Variants in VIPR1 observed in about 807,000 individuals in gnomAD.
The protein encoded by VIPR1 is vasoactive intestinal polypeptide receptor 1.
A neutral mutation model predicts 58.8 loss-of-function variants in VIPR1; 59 were observed. The ratio of observed to expected loss-of-function variants is 1.00; its 90% CI spans 0.81 to 1.25. The LOEUF is 1.25. Ranked by LOEUF, VIPR1 falls within the 50% of genes most tolerant of loss-of-function variation. The pLI is 0.00. For synonymous variants in VIPR1, 251 were observed against 242.1 expected (o/e 1.04, Z -0.34); for missense variants, 626 against 602.7 (o/e 1.04, Z -0.40).
chr3:42,523,083 G>A (rs924833101), intron 3 of VIPR1, among the ~76,000 whole-genome samples: 5 of 125,160 alleles, frequency 4.0e-5, no homozygotes, highest in South Asian at 2.4e-4. Context: ...TGCATGCCCT[G>A]ACCCCGCCCC....
intron 3 of VIPR1, among the ~76,000 whole-genome samples, chr3:42,522,842 T>C (rs75297626): frequency 6.6e-6 from 1 of 152,030 alleles, no homozygotes; most frequent in Non-Finnish European, 1.5e-5. Context: ...AGGCACTGAG[T>C]GGAGGATCCT....
chr3:42,514,953 A>G (rs771733746), intron 2 of VIPR1, among the ~76,000 whole-genome samples: 2 of 152,210 alleles, frequency 1.3e-5, no homozygotes, highest in African/African-American at 2.4e-5. Flanking sequence ...GGTGGGAGGC[A>G]CTGAGGCAGA....
chr3:42,523,084 ACC>A (rs145372341), intron 3 of VIPR1, among the ~76,000 whole-genome samples: 5 of 145,092 alleles, frequency 3.4e-5, no homozygotes, highest in Non-Finnish European at 6.0e-5. Flanking sequence ...GCATGCCCTG[ACC>A]CCGCCCCCAG....
chr3:42,494,153 C>T (rs546206742), intron 1 of VIPR1, among the ~76,000 whole-genome samples: 18 of 152,280 alleles, frequency 1.2e-4, no homozygotes, highest in South Asian at 2.1e-4. Context: ...ACTTTATTGA[C>T]GCTGCTGTTT....
chr3:42,498,663 C>T (rs1699811156), upstream of VIPR1, among the ~76,000 whole-genome samples: 1 of 152,172 alleles, frequency 6.6e-6, no homozygotes, highest in African/African-American at 2.4e-5. Context: ...ATCACCTGCT[C>T]TCCCGTGAAC....
chr3:42,496,162 G>A lies in VIPR1; in HGVS notation c.-245+6484G>A, dbSNP rs144456742. ...TGAAGCAGGAGAATGGCTTGAACCC[G>A]GGAGGCGGAGGTTGCAGTGAGCCAA... On this transcript the variant is annotated intron_variant, in intron 1 of 13. Transcript: ENST00000433647. 2.4e-4 allele frequency among the ~76,000 whole-genome samples: 37 copies of A among 152,128 alleles called. No individual in the cohort carries two copies. In the East Asian group the frequency reaches 4.9e-3, roughly 20 times the overall value.
chr3:42,513,913 T>C lies in VIPR1; in HGVS notation c.184+59T>C, dbSNP rs1283894652. Reference sequence around the variant, plus strand: ...CCCCCAGGGAGCCCAAGATTCCTCATGTCTCAAGCTGAGATCCAAGTCACG... The same window carrying C: ...CCCCCAGGGAGCCCAAGATTCCTCACGTCTCAAGCTGAGATCCAAGTCACG... On this transcript the variant is annotated intron_variant, in intron 2 of 12. Transcript: ENST00000325123. 7 of 1,510,080 alleles carry C rather than the reference T, an allele frequency of 4.6e-6. 1 individual carries two copies. Among genetic ancestry groups the C allele is most frequent in the African/African-American group, 4.2e-5 (3 of 72,176 alleles). The allele number at this position is 1,510,080 out of a possible 1,614,324, so 93.5% of individuals were successfully genotyped here. A position where few individuals can be genotyped will look rare whatever the true frequency, so the allele number is the denominator to read the frequency against.
chr3:42,505,623 A>G (rs1481683970), intron 1 of VIPR1, among the ~76,000 whole-genome samples: 1 of 152,236 alleles, frequency 6.6e-6, no homozygotes, highest in Non-Finnish European at 1.5e-5. Flanking sequence ...ACCATGCTGG[A>G]AAAGCGAGCC....
intron 1 of VIPR1, among the ~76,000 whole-genome samples, chr3:42,491,353 A>G (rs1316740199): frequency 6.6e-6 from 1 of 152,242 alleles, no homozygotes; most frequent in South Asian, 2.1e-4. Flanking sequence ...TGTGTTGTGT[A>G]TAATGGTATT....
chr3:42,536,198 A>G lies in VIPR1; in HGVS notation c.1291A>G (p.Ser431Gly). The change falls in exon 13 of 13, where the codon AGC becomes GGC. Residue 431 changes from serine (S) to glycine (G), a missense_variant. Transcript: ENST00000325123. ...PSGGSNGATC[S>G]TQVSMLTRVS... ...GGGAGGCAGCAACGGCGCCACGTGC[A>G]GCACGCAGGTTTCCATGCTGACCCG... 3 of 1,600,646 alleles carry G rather than the reference A, an allele frequency of 1.9e-6. No individual in the cohort carries two copies. Among genetic ancestry groups the G allele is most frequent in the Non-Finnish European group, 2.6e-6 (3 of 1,174,602 alleles).
At chr3:42,512,722 C>T (rs1218476806) in intron 1 of VIPR1, 1 of 984,782 alleles carries the variant, frequency 1.0e-6, no homozygotes, top group Non-Finnish European at 1.2e-6. Context: ...CTTCTATGGC[C>T]CTGGTGGAAA....
chr3:42,501,500 G>T (rs755082), upstream of VIPR1, among the ~76,000 whole-genome samples: 13,583 of 152,236 alleles, frequency 0.089, 2,028 homozygotes, highest in African/African-American at 0.31. The surrounding 1 kb of genome is among the most constrained non-coding windows in gnomAD (Gnocchi z 4.8). Flanking sequence ...CACATCTCCA[G>T]CCTCGATTGT....
In VIPR1 at chr3:42,525,867, T is replaced by C. The variant is rs1014161301; in HGVS notation, c.293-20T>C. On this transcript the variant is annotated intron_variant, in intron 3 of 12. Transcript: ENST00000325123. The stretch of plus-strand genomic sequence containing the variant: ...TGCTCCCGGCCTCAGCCTTTGTCCT[T>C]GCCCCTGCCCTCCACCCAGGCCGCA... The C allele has an allele frequency of 6.3e-7, 1 of 1,590,446 alleles. No homozygotes were observed.
chr3:42,535,311 T>C (rs1701787578), intron 11 of VIPR1, 32 bp from the exon 12 acceptor site: 3 of 1,613,626 alleles, frequency 1.9e-6, no homozygotes, highest in East Asian at 2.2e-5. Flanking sequence ...CTGGTCTGTC[T>C]ACCTCACCTC....
At chr3:42,499,228 G>GCC (rs11341948), upstream of VIPR1, among the ~76,000 whole-genome samples, 7 of 152,060 alleles carry the variant, frequency 4.6e-5, no homozygotes, top group African/African-American at 1.7e-4. Flanking sequence ...CCACTCTGTG[G>GCC]CCCCCCCAGC....
chr3:42,526,561 G>A lies in VIPR1; in HGVS notation c.399+568G>A, dbSNP rs534832108. The stretch of plus-strand genomic sequence containing the variant: ...TGCTTTGGGGTGCAAATGCATGTGT[G>A]TGTGTCTGTCTGCGATGGCATCTGC... On this transcript the variant is annotated intron_variant, in intron 4 of 12. Coordinates refer to ENST00000325123, the MANE Select transcript of VIPR1 (RefSeq NM_004624.4). 4.6e-5 allele frequency among the ~76,000 whole-genome samples: 7 copies of A among 152,352 alleles called. No individual in the cohort carries two copies. In the East Asian group the frequency reaches 1.2e-3, roughly 25 times the overall value.
At chr3:42,523,529 ATTTT>A (rs1234836175) in intron 3 of VIPR1, among the ~76,000 whole-genome samples, 1 of 151,642 alleles carries the variant, frequency 6.6e-6, no homozygotes, top group African/African-American at 2.4e-5. Context: ...TGGGATCCCC[ATTTT>A]TTGATGGGAT....
At chr3:42,534,546 C>A (rs1015363225) in intron 10 of VIPR1, 1 of 155,260 alleles carries the variant, frequency 6.4e-6, no homozygotes, top group Non-Finnish European at 1.4e-5. Flanking sequence ...AAGAGATTTT[C>A]TACTGCTCTT....
rs920805954 is a variant in VIPR1, at chr3:42,528,077, T to C, written c.590T>C (p.Leu197Ser). ...GCTGCCGCTGTCTTCATCAAAGACT[T>C]GGCCCTCTTCGACAGCGGGGAGTCG... ...LRAAAVFIKD[L>S]ALFDSGESDQ... Residue 197 changes from leucine (L) to serine (S), a missense_variant, in exon 6 of 13, where the codon TTG becomes TCG. By Grantham distance (145) the Leu-to-Ser change is moderately radical. Transcript: ENST00000325123. 6.8e-6 allele frequency: 11 copies of C among 1,614,058 alleles called. No individual in the cohort carries two copies. Among genetic ancestry groups the C allele is most frequent in the Non-Finnish European group, 9.3e-6 (11 of 1,179,962 alleles).
Sources: gnomAD v4.1 joint callset for allele counts (sites outside exome capture counted in the v4.1 genomes callset) on GRCh38, gnomAD v4.1.1 for gene constraint, Gnocchi (gnomAD v3.1) non-coding constraint, MANE v1.5 for transcripts, NCBI Gene and HGNC (gene_info 2026-07-23, HGNC 2026-07-21) for gene names.